Variants in CTNND2 observed in about 807,000 individuals in gnomAD.
The protein encoded by CTNND2 is catenin delta 2.
CTNND2 carries 22 observed loss-of-function variants against 144.4 expected under a neutral mutation model. The ratio of observed to expected loss-of-function variants is 0.15; its 90% confidence interval spans 0.11 to 0.22. The LOEUF is 0.22. Among genes scored for constraint, CTNND2 ranks in the 10% least tolerant of loss-of-function variants. The probability of loss-of-function intolerance (pLI) is 1.00; values close to 1 mark genes in which losing one functional copy is unlikely to be tolerated. For missense variants in CTNND2, 1,353 were observed against 1,618.8 expected, an observed-to-expected ratio of 0.84 and a Z score of 2.82; for synonymous variants, 751 against 695.6, an observed-to-expected ratio of 1.08 and a Z score of -1.25.
In CTNND2 at chr5:11,903,902, G is replaced by A; in HGVS notation, c.-49C>T. On this transcript the variant is annotated 5_prime_UTR_variant, in exon 1 of 22. Transcript: ENST00000304623. This position sits in a 1 kb window ranked among gnomAD's most constrained non-coding sequence, Gnocchi z 5.4. ...CTCAGTCCGGGAAGAGGCGTGCGCG[G>A]CGCCGCCCGGCTTCAGGGCAAGGTC... 9 of 1,399,444 alleles carry A rather than the reference G, an allele frequency of 6.4e-6. No individual in the cohort carries two copies. Among genetic ancestry groups the A allele is most frequent in the South Asian group, 1.5e-5 (1 of 64,686 alleles). 86.7% of individuals were successfully genotyped at this position (1,399,444 alleles called of 1,614,324 possible). A position where few individuals can be genotyped will look rare whatever the true frequency, so the allele number is the denominator to read the frequency against.
intron 1 of CTNND2, among the ~76,000 whole-genome samples, chr5:11,755,862 G>T (rs1788904650): frequency 1.3e-5 from 2 of 151,216 alleles, no homozygotes; most frequent in African/African-American, 4.9e-5. Context: ...ATAGTTCTTG[G>T]ATTGAGTTTC....
intron 2 of CTNND2, among the ~76,000 whole-genome samples, chr5:11,634,931 T>C (rs559285052): frequency 1.5e-4 from 23 of 152,160 alleles, no homozygotes; most frequent in African/African-American, 4.8e-4. Flanking sequence ...TAGGAACCTT[T>C]AGAGCAATTT....
intron 18 of CTNND2, among the ~76,000 whole-genome samples, chr5:11,012,633 T>C (rs974548852): frequency 3.3e-5 from 5 of 152,190 alleles, no homozygotes; most frequent in African/African-American, 1.2e-4. Context: ...CTTACACTGA[T>C]GGACAAGGGG....
intron 16 of CTNND2, among the ~76,000 whole-genome samples, chr5:11,076,554 A>C (rs924638278): frequency 2.6e-4 from 39 of 152,196 alleles, no homozygotes; most frequent in African/African-American, 9.4e-4. Context: ...AAATGTATGG[A>C]TGTGCATTAA....
At chr5:11,102,567 T>C (rs867993189) in intron 14 of CTNND2, among the ~76,000 whole-genome samples, 2 of 152,230 alleles carry the variant, frequency 1.3e-5, no homozygotes, top group Non-Finnish European at 2.9e-5. Flanking sequence ...CACTTTTCTT[T>C]ACTGGCTTCA....
chr5:11,321,124 T>C (rs1751984838), intron 9 of CTNND2, among the ~76,000 whole-genome samples: 1 of 152,140 alleles, frequency 6.6e-6, no homozygotes, highest in Non-Finnish European at 1.5e-5. Context: ...AAAACTGAAA[T>C]GGTAATGGAT....
intron 12 of CTNND2, among the ~76,000 whole-genome samples, chr5:11,119,054 C>G (rs764783164): frequency 2.0e-5 from 3 of 152,102 alleles, no homozygotes; most frequent in Non-Finnish European, 4.4e-5. Flanking sequence ...CATTACTGCA[C>G]CGAGACTTTC....
chr5:11,003,621 T>G (rs1428780880), intron 18 of CTNND2, among the ~76,000 whole-genome samples: 6 of 152,258 alleles, frequency 3.9e-5, no homozygotes, highest in Admixed American at 1.3e-4. Context: ...AAGCCAGATT[T>G]TGCTTAACTA....
At chr5:11,060,308 C>T (rs1316131196) in intron 16 of CTNND2, among the ~76,000 whole-genome samples, 1 of 152,098 alleles carries the variant, frequency 6.6e-6, no homozygotes, top group Non-Finnish European at 1.5e-5. Flanking sequence ...AAAACAATTT[C>T]CTCCACATGG....
At chr5:11,708,051 A>ATT (rs11332164) in intron 2 of CTNND2, among the ~76,000 whole-genome samples, 19,356 of 140,814 alleles carry the variant, frequency 0.14, 1,269 homozygotes, top group East Asian at 0.17. Context: ...TTTAAAGATG[A>ATT]TTTTTTTTTT....
rs76159218 is a variant in CTNND2, at chr5:11,011,891, G to A, written c.3084+6083C>T. ...CTGCATGGGAGAAAGGAGAAAGACC[G>A]TGGGAAAGCAGAAAGACAGTGGGAC... On this transcript the variant is annotated intron_variant, in intron 18 of 21. Transcript: ENST00000304623. Among the ~76,000 whole-genome samples the A allele has an allele frequency of 3.7e-4, 56 of 152,318 alleles. 1 individual carries two copies. The East Asian group carries it at 9.8e-3, about 27-fold the overall frequency.
chr5:11,117,098 T>A (rs1580332208), intron 13 of CTNND2, among the ~76,000 whole-genome samples: 2 of 151,554 alleles, frequency 1.3e-5, no homozygotes. Context: ...CAGGTAGTTT[T>A]AACATCTTGT....
intron 11 of CTNND2, among the ~76,000 whole-genome samples, chr5:11,189,255 T>C (rs1736000662): frequency 6.6e-6 from 1 of 152,170 alleles, no homozygotes; most frequent in African/African-American, 2.4e-5. Context: ...GAAAGCCATA[T>C]CATAAGGAAG....
chr5:11,573,668 C>T (rs916777120), intron 2 of CTNND2, among the ~76,000 whole-genome samples: 1 of 152,134 alleles, frequency 6.6e-6, no homozygotes, highest in East Asian at 1.9e-4. Flanking sequence ...ACAAAACTGA[C>T]AGATTAATGT....
intron 2 of CTNND2, among the ~76,000 whole-genome samples, chr5:11,707,382 C>T (rs1257860391): frequency 1.3e-5 from 2 of 152,160 alleles, no homozygotes; most frequent in Non-Finnish European, 2.9e-5. Flanking sequence ...AGAATATACC[C>T]GTTGTCTCCA....
At chr5:11,862,051 A>G (rs1795529483) in intron 1 of CTNND2, among the ~76,000 whole-genome samples, 1 of 152,182 alleles carries the variant, frequency 6.6e-6, no homozygotes, top group Non-Finnish European at 1.5e-5. Flanking sequence ...TTTCTATAGC[A>G]CTTGTTGCCT....
intron 2 of CTNND2, among the ~76,000 whole-genome samples, chr5:11,603,279 G>A (rs913356845): frequency 2.0e-5 from 3 of 152,114 alleles, no homozygotes; most frequent in Non-Finnish European, 2.9e-5. Flanking sequence ...TTTGCAGTAT[G>A]AACATCAACA....
intron 3 of CTNND2, among the ~76,000 whole-genome samples, chr5:11,522,214 T>C (rs1772794744): frequency 6.6e-6 from 1 of 152,236 alleles, no homozygotes. Context: ...AGATTGTAAA[T>C]TTTCCATGAC....
chr5:11,807,471 A>G (rs953962395), intron 1 of CTNND2, among the ~76,000 whole-genome samples: 3 of 152,162 alleles, frequency 2.0e-5, no homozygotes, highest in Non-Finnish European at 4.4e-5. Context: ...TTTTGCCCTT[A>G]GTGTTCCACA....
Sources: allele counts gnomAD v4.1 joint callset (sites outside exome capture counted in the v4.1 genomes callset), GRCh38; gene constraint gnomAD v4.1.1; non-coding constraint Gnocchi (gnomAD v3.1); transcripts MANE v1.5; gene names NCBI Gene and HGNC (gene_info 2026-07-23, HGNC 2026-07-21).